KRABD2: variants seen among roughly 807,000 people sequenced by gnomAD.
KRABD2 encodes the protein KRAB domain-containing protein 2.
the KRABD2 span, among the ~76,000 whole-genome samples, chr17:8,366,182 C>G: frequency 3.3e-5 from 5 of 152,098 alleles, no homozygotes; most frequent in Admixed American, 3.3e-4. Flanking sequence ...TCTCCTTCCC[C>G]GTGCCCATTT....
At chr17:8,371,138 C>G in the KRABD2 span, among the ~76,000 whole-genome samples, 2 of 152,250 alleles carry the variant, frequency 1.3e-5, no homozygotes, top group South Asian at 4.1e-4. Flanking sequence ...CCACTGCACT[C>G]CAGCCTGGGC....
the KRABD2 span, chr17:8,360,049 C>G: frequency 5.8e-6 from 2 of 346,322 alleles, no homozygotes; most frequent in African/African-American, 2.1e-5. Context: ...TCATCTGCTA[C>G]GTACTCACCC....
the KRABD2 span, among the ~76,000 whole-genome samples, chr17:8,374,047 G>A: frequency 6.6e-6 from 1 of 150,716 alleles, no homozygotes; most frequent in African/African-American, 2.4e-5. Context: ...GGAGGTGGGG[G>A]GCAGCCCCCG....
chr17:8,368,953 T>A, the KRABD2 span: 1 of 1,102,338 alleles, frequency 9.1e-7, no homozygotes, highest in Non-Finnish European at 1.2e-6. Flanking sequence ...GGTAATTTTT[T>A]ATGGCAGCCC....
At chr17:8,367,360 G>A in the KRABD2 span, among the ~76,000 whole-genome samples, 5,038 of 152,034 alleles carry the variant, frequency 0.033, 275 homozygotes, top group African/African-American at 0.11. Flanking sequence ...AGCTGGGTTC[G>A]TGGGGGTGCG....
At chr17:8,360,260 A>C in the KRABD2 span, among the ~76,000 whole-genome samples, 12 of 152,162 alleles carry the variant, frequency 7.9e-5, no homozygotes, top group African/African-American at 2.7e-4. Context: ...TGGAAAAGGG[A>C]AACTCTAACT....
chr17:8,368,678 C>T, the KRABD2 span: 3 of 152,246 alleles, frequency 2.0e-5, no homozygotes, highest in African/African-American at 7.3e-5. Flanking sequence ...GCTTTGTCAC[C>T]CAGGCCGGAG....
chr17:8,371,729 A>G, the KRABD2 span: 2 of 1,316,486 alleles, frequency 1.5e-6, no homozygotes, highest in Non-Finnish European at 1.9e-6. Context: ...AGAATAAAGC[A>G]GAGTCCAAGT....
At chr17:8,369,539 C>T in the KRABD2 span, 1 of 1,614,170 alleles carries the variant, frequency 6.2e-7, no homozygotes, top group African/African-American at 1.3e-5. Context: ...CCAGGGAGCC[C>T]TGGCTTTGGC....
the KRABD2 span, among the ~76,000 whole-genome samples, chr17:8,368,136 A>C: frequency 1.3e-5 from 2 of 152,108 alleles, no homozygotes; most frequent in South Asian, 4.1e-4. Flanking sequence ...TCAGGTCCCT[A>C]GTACCTGTGA....
At chr17:8,365,614 C>T in the KRABD2 span, 9 of 152,240 alleles carry the variant, frequency 5.9e-5, no homozygotes, top group African/African-American at 2.2e-4. Flanking sequence ...CCCACCCTCA[C>T]GTGGAGGACA....
At chr17:8,374,974 T>C in the KRABD2 span, among the ~76,000 whole-genome samples, 20 of 134,334 alleles carry the variant, frequency 1.5e-4, no homozygotes, top group Middle Eastern at 3.7e-3. Flanking sequence ...ATTCAATGTT[T>C]CACCTATATT....
At chr17:8,362,397 G>GTTAA in the KRABD2 span, among the ~76,000 whole-genome samples, 1 of 152,072 alleles carries the variant, frequency 6.6e-6, no homozygotes, top group Admixed American at 6.6e-5. This position sits in a 1 kb window ranked among gnomAD's most constrained non-coding sequence, Gnocchi z 4.2. Context: ...ATTCAGTAGT[G>GTTAA]TTAACTATTA....
the KRABD2 span, among the ~76,000 whole-genome samples, chr17:8,372,694 G>C: frequency 6.6e-6 from 1 of 152,258 alleles, no homozygotes; most frequent in Admixed American, 6.5e-5. The surrounding 1 kb of genome is among the most constrained non-coding windows in gnomAD (Gnocchi z 4.1). Context: ...CTCAGAACCT[G>C]AGTGCTGTGT....
chr17:8,376,159 C>T, the KRABD2 span: 2 of 1,231,632 alleles, frequency 1.6e-6, no homozygotes, highest in Non-Finnish European at 1.0e-6. Context: ...GGAGGGCCCA[C>T]GAATACAGAG....
At chr17:8,372,889 C>G in the KRABD2 span, among the ~76,000 whole-genome samples, 2 of 151,968 alleles carry the variant, frequency 1.3e-5, no homozygotes, top group East Asian at 3.8e-4. This position sits in a 1 kb window ranked among gnomAD's most constrained non-coding sequence, Gnocchi z 4.1. Flanking sequence ...CATAGTGAGA[C>G]CCTGTCTCTA....
At chr17:8,369,036 T>G in the KRABD2 span, 3 of 1,492,356 alleles carry the variant, frequency 2.0e-6, no homozygotes, top group Non-Finnish European at 2.7e-6. Context: ...GACCTGAGAG[T>G]GCAGCCTTCA....
At chr17:8,371,786 T>G in the KRABD2 span, 1 of 1,201,398 alleles carries the variant, frequency 8.3e-7, no homozygotes, top group South Asian at 3.5e-5. Context: ...TGGCAGGATC[T>G]GTTTCCAATG....
At chr17:8,369,763 A>G in the KRABD2 span, 1 of 1,614,230 alleles carries the variant, frequency 6.2e-7, no homozygotes, top group South Asian at 1.1e-5. Flanking sequence ...TGATCCTGGT[A>G]GTATAAAATG....
Sources: allele counts gnomAD v4.1 joint callset (sites outside exome capture counted in the v4.1 genomes callset), GRCh38; gene constraint gnomAD v4.1.1; non-coding constraint Gnocchi (gnomAD v3.1); transcripts MANE v1.5; gene names NCBI Gene and HGNC (gene_info 2026-07-23, HGNC 2026-07-21).